RFLNA: variants seen among roughly 807,000 people sequenced by gnomAD.
RFLNA encodes refilin-A.
RFLNA carries 5 observed loss-of-function variants against 7.8 expected under a neutral mutation model. The observed-to-expected ratio is 0.64, with a 90% CI of 0.34 to 1.35. The LOEUF (loss-of-function observed/expected upper bound fraction) is 1.35, where lower values mean the gene tolerates loss of function less well. RFLNA is among the 40% of genes most tolerant of loss of function. The probability of loss-of-function intolerance (pLI) is 0.04; values close to 1 mark genes in which losing one functional copy is unlikely to be tolerated. For missense variants in RFLNA, 278 were observed against 305.5 expected (o/e 0.91, Z 0.67); for synonymous variants, 141 against 131.3 (o/e 1.07, Z -0.50).
At chr12:124,311,557 C>A (rs1242104464) in intron 1 of RFLNA, among the ~76,000 whole-genome samples, 1 of 152,170 alleles carries the variant, frequency 6.6e-6, no homozygotes, top group Non-Finnish European at 1.5e-5. Flanking sequence ...CATGACCACA[C>A]CCCTTGTTGA....
chr12:124,291,759 G>T (rs568229085), upstream of RFLNA, among the ~76,000 whole-genome samples: 2 of 150,530 alleles, frequency 1.3e-5, no homozygotes, highest in African/African-American at 4.9e-5. Context: ...GGCCTTCCTC[G>T]CAGAGTTGAG....
At chr12:124,313,746 T>C (rs1294581665) in intron 2 of RFLNA, among the ~76,000 whole-genome samples, 1 of 152,112 alleles carries the variant, frequency 6.6e-6, no homozygotes, top group Non-Finnish European at 1.5e-5. Context: ...CTTGCCCTAT[T>C]TGAGAGGAGA....
chr12:124,295,532 A>AC lies in RFLNA; in HGVS notation c.103_104insC (p.Ser35ThrfsTer70). The AC allele has an allele frequency of 2.3e-6, 1 of 435,094 alleles. No homozygotes were observed. Among genetic ancestry groups the AC allele is most frequent in the Non-Finnish European group, 3.3e-6 (1 of 301,468 alleles). The allele number at this position is 435,094 out of a possible 1,614,324, so 27.0% of individuals were successfully genotyped here. ...CGACTCCGGGCTGCCCCCCAGCCCC[A>AC]GCCCCAGCCCGCCCTTCTACTCCCT... On this transcript the variant is annotated frameshift_variant, in exon 1 of 3. Coordinates refer to ENST00000546355, the MANE Select transcript of RFLNA (RefSeq NM_001365156.1). LOFTEE classifies it high-confidence loss of function.
At chr12:124,307,980 G>A (rs1242451166) in intron 1 of RFLNA, among the ~76,000 whole-genome samples, 14 of 144,190 alleles carry the variant, frequency 9.7e-5, no homozygotes, top group Admixed American at 1.4e-4. Flanking sequence ...GTCTGTGTCC[G>A]CTCTTTTTTT....
In RFLNA at chr12:124,306,745, C is replaced by T. The variant is rs935092991; in HGVS notation, c.208-5073C>T. 1.1e-4 allele frequency among the ~76,000 whole-genome samples: 16 copies of T among 152,082 alleles called. No individual in the cohort carries two copies. Among genetic ancestry groups the T allele is most frequent in the African/African-American group, 2.4e-4 (10 of 41,406 alleles). ...TGTGGCGAGTGCCCAGAATGGTGCC[C>T]GGCACAGTGAGAGTGCAAAAAGCTC... On this transcript the variant is annotated intron_variant, in intron 1 of 2. Coordinates refer to ENST00000546355, the MANE Select transcript of RFLNA (RefSeq NM_001365156.1). The surrounding 1 kb of genome is among the most constrained non-coding windows in gnomAD (Gnocchi z 5.2).
intron 1 of RFLNA, among the ~76,000 whole-genome samples, chr12:124,296,405 G>T (rs7133338): frequency 6.6e-6 from 1 of 150,834 alleles, no homozygotes; most frequent in African/African-American, 2.4e-5. Flanking sequence ...GGCACCCCCC[G>T]GCAGGCGGGG....
At position 124,314,315 on chromosome 12, in the gene RFLNA, C is replaced by T. The variant is rs375356510; in HGVS notation, c.441C>T (p.Arg147=). The stretch of plus-strand genomic sequence containing the variant: ...TGGCAGCACCCAACTGCACGTGGCG[C>T]AACTACCGCAGCCAGCTGACCCTGG... The part of the protein sequence containing the change: ...TIVAAPNCTW[R]NYRSQLTLEP... Residue 147 remains arginine (R), a synonymous_variant, in exon 3 of 3, where the codon CGC becomes CGT. Coordinates refer to ENST00000546355, the MANE Select transcript of RFLNA (RefSeq NM_001365156.1). The T allele has an allele frequency of 3.7e-6, 6 of 1,613,490 alleles. No homozygotes were observed. Among genetic ancestry groups the T allele is most frequent in the Non-Finnish European group, 5.1e-6 (6 of 1,180,020 alleles).
rs551349914 is a variant in RFLNA, at chr12:124,303,210, C to T, written c.207+7574C>T. 5.3e-5 allele frequency among the ~76,000 whole-genome samples: 8 copies of T among 152,342 alleles called. No homozygotes were observed. In the South Asian group the frequency reaches 1.7e-3, roughly 32 times the overall value. ...CACTGAGCTCTCGACAACAGAGCGGCTATCTTTCCTCGCCGGCCTGTGGGC... is the reference window on the plus strand; with the variant it reads ...CACTGAGCTCTCGACAACAGAGCGGTTATCTTTCCTCGCCGGCCTGTGGGC... On this transcript the variant is annotated intron_variant, in intron 1 of 2. Coordinates refer to ENST00000546355, the MANE Select transcript of RFLNA (RefSeq NM_001365156.1).
At chr12:124,296,664 G>C (rs942951529) in intron 1 of RFLNA, among the ~76,000 whole-genome samples, 4 of 152,174 alleles carry the variant, frequency 2.6e-5, no homozygotes, top group African/African-American at 9.7e-5. Context: ...GCGGCTCCCC[G>C]GCCTCAAGCC....
At chr12:124,307,196 C>T (rs559662778) in intron 1 of RFLNA, among the ~76,000 whole-genome samples, 168 of 152,216 alleles carry the variant, frequency 1.1e-3, no homozygotes, top group Non-Finnish European at 2.2e-3. Flanking sequence ...TAAGCAAAAC[C>T]TGCTAAGTGC....
At chr12:124,298,101 G>A (rs1370148351) in intron 1 of RFLNA, among the ~76,000 whole-genome samples, 1 of 152,220 alleles carries the variant, frequency 6.6e-6, no homozygotes, top group Non-Finnish European at 1.5e-5. Context: ...CAGGGTGGGT[G>A]TCTTTGTTCC....
chr12:124,300,941 T>TGGAA (rs1292465424), intron 1 of RFLNA, among the ~76,000 whole-genome samples: 1 of 150,644 alleles, frequency 6.6e-6, no homozygotes, highest in Non-Finnish European at 1.5e-5. Context: ...GATGGATGGA[T>TGGAA]GGAAGGATGG....
At chr12:124,296,807 T>C (rs1266833114) in intron 1 of RFLNA, among the ~76,000 whole-genome samples, 1 of 152,160 alleles carries the variant, frequency 6.6e-6, no homozygotes, top group Non-Finnish European at 1.5e-5. Flanking sequence ...CTCACTGAAT[T>C]GATAGGGGGT....
rs542143518 is a variant in RFLNA, at chr12:124,296,494, C to T, written c.207+858C>T. 5.3e-5 allele frequency among the ~76,000 whole-genome samples: 8 copies of T among 152,228 alleles called. No homozygotes were observed. In the South Asian group the frequency reaches 1.5e-3, roughly 28 times the overall value. ...ATGAGTGATTGCCCATCCCTGCCCG[C>T]TCTCTGGCTGCGCCCTGCCCACCTT... On this transcript the variant is annotated intron_variant, in intron 1 of 2. Coordinates refer to ENST00000546355, the MANE Select transcript of RFLNA (RefSeq NM_001365156.1).
At chr12:124,294,528 G>A (rs959743492), upstream of RFLNA, among the ~76,000 whole-genome samples, 4 of 152,220 alleles carry the variant, frequency 2.6e-5, no homozygotes, top group Non-Finnish European at 4.4e-5. Context: ...TCATGAGCGA[G>A]GACCTGCCTG....
Position 124,314,338 on chromosome 12 carries a change from T to C in RFLNA, c.464T>C (p.Leu155Pro), listed in dbSNP as rs768802792. 3 of 1,613,468 alleles carry C rather than the reference T, an allele frequency of 1.9e-6. No homozygotes were observed. The highest frequency in any genetic ancestry group is 2.5e-6 in the Non-Finnish European group (3 of 1,179,994). ...TWRNYRSQLT[L>P]EPRPRALRFR... Reference sequence around the variant, plus strand: ...CGCAACTACCGCAGCCAGCTGACCCTGGAGCCACGCCCGCGCGCCCTGCGC... The same window carrying C: ...CGCAACTACCGCAGCCAGCTGACCCCGGAGCCACGCCCGCGCGCCCTGCGC... The change falls in exon 3 of 3, where the codon CTG becomes CCG. Residue 155 changes from leucine (L) to proline (P), a missense_variant. Leu to Pro is a moderately conservative substitution (Grantham distance 98). Coordinates refer to ENST00000546355, the MANE Select transcript of RFLNA (RefSeq NM_001365156.1).
rs1270258850 is a variant in RFLNA at position 124,306,258 on chromosome 12, C to T, written c.208-5560C>T. ...TGACAGACACGCAAAGGGGTTATCG[C>T]GATGAAGGCCAGTAGATGGGTGCTC... On this transcript the variant is annotated intron_variant, in intron 1 of 2. Coordinates refer to ENST00000546355, the MANE Select transcript of RFLNA (RefSeq NM_001365156.1). This position sits in a 1 kb window ranked among gnomAD's most constrained non-coding sequence, Gnocchi z 5.2. Among the ~76,000 whole-genome samples the T allele has an allele frequency of 6.6e-6, 1 of 152,134 alleles. No homozygotes were observed. The highest frequency in any genetic ancestry group is 1.5e-5 in the Non-Finnish European group (1 of 68,028).
At chr12:124,310,964 G>A (rs1468176646) in intron 1 of RFLNA, among the ~76,000 whole-genome samples, 1 of 152,172 alleles carries the variant, frequency 6.6e-6, no homozygotes, top group African/African-American at 2.4e-5. Context: ...CACAACTGAG[G>A]GACAGTTTCA....
chr12:124,308,862 T>G (rs1452401417), intron 1 of RFLNA, among the ~76,000 whole-genome samples: 1 of 152,150 alleles, frequency 6.6e-6, no homozygotes, highest in Non-Finnish European at 1.5e-5. Context: ...ACAGCCTGCG[T>G]CCCCCTAGGG....
Sources: gnomAD v4.1 joint callset for allele counts (sites outside exome capture counted in the v4.1 genomes callset) on GRCh38, gnomAD v4.1.1 for gene constraint, Gnocchi (gnomAD v3.1) non-coding constraint, MANE v1.5 for transcripts, NCBI Gene and HGNC (gene_info 2026-07-23, HGNC 2026-07-21) for gene names.